Variants in NOL9 observed in about 807,000 individuals in gnomAD.
The protein encoded by NOL9 is polynucleotide 5'-hydroxyl-kinase NOL9.
In NOL9, 28 loss-of-function variants were observed where a neutral mutation model predicts 67.9. The ratio of observed to expected loss-of-function variants is 0.41; its 90% CI spans 0.31 to 0.57. NOL9 has a LOEUF of 0.57. NOL9 is among the 20% of genes least tolerant of loss of function. The probability of loss-of-function intolerance (pLI) is 0.25; values close to 1 mark genes in which losing one functional copy is unlikely to be tolerated. For synonymous variants in NOL9, 356 were observed against 352.2 expected, an observed-to-expected ratio of 1.01 and a Z score of -0.12; for missense variants, 777 against 897.0, an observed-to-expected ratio of 0.87 and a Z score of 1.71.
intron 9 of NOL9, among the ~76,000 whole-genome samples, chr1:6,531,583 T>G (rs1042816364): frequency 6.6e-6 from 1 of 152,108 alleles, no homozygotes; most frequent in African/African-American, 2.4e-5. Flanking sequence ...ATCCACACGT[T>G]CACTCTCTGA....
chr1:6,550,708 AG>A, intron 1 of NOL9, 93 bp from the exon 2 acceptor site: 1 of 883,256 alleles, frequency 1.1e-6, no homozygotes, highest in Non-Finnish European at 1.6e-6. Flanking sequence ...TTTGAGATGG[AG>A]TTTTGCTCTT....
chr1:6,533,271 C>T lies in NOL9; in HGVS notation c.1237+9G>A, dbSNP rs1188001429. On this transcript the variant is annotated intron_variant, in intron 7 of 11. Transcript: ENST00000377705. ...TCCTTCCCTTGCAGATGTGCACATG[C>T]AGGCTTACCTGAAACCCATCCCATA... 1.3e-6 allele frequency: 2 copies of T among 1,576,388 alleles called. No homozygotes were observed. Among genetic ancestry groups the T allele is most frequent in the African/African-American group, 2.7e-5 (2 of 73,942 alleles).
rs576579158 is a variant in NOL9 at position 6,525,501 on chromosome 1, G to A, written c.*353C>T. Reference sequence around the variant, plus strand: ...GGTCGGCCTTCTTCCTTCCTTCTCGGTACATTGTAATGGCCCCAGTTTCCT... The same window carrying A: ...GGTCGGCCTTCTTCCTTCCTTCTCGATACATTGTAATGGCCCCAGTTTCCT... On this transcript the variant is annotated 3_prime_UTR_variant, in exon 12 of 12. Coordinates refer to ENST00000377705, the MANE Select transcript of NOL9 (RefSeq NM_024654.5). 2.5e-5 allele frequency: 6 copies of A among 243,484 alleles called. No individual in the cohort carries two copies. The South Asian group carries it at 3.7e-4, about 15-fold the overall frequency. 15.1% of individuals were successfully genotyped at this position (243,484 alleles called of 1,614,324 possible). A position where few individuals can be genotyped will look rare whatever the true frequency, so the allele number is the denominator to read the frequency against.
intron 10 of NOL9, 100 bp downstream of exon 10, chr1:6,528,894 G>A: frequency 8.2e-7 from 1 of 1,217,692 alleles, no homozygotes; most frequent in Non-Finnish European, 1.2e-6. Flanking sequence ...TCTGACCTCT[G>A]TAGCTTAGAC....
At chr1:6,544,359 A>AAAAATAAAAAAT (rs56954381) in intron 5 of NOL9, among the ~76,000 whole-genome samples, 146,856 of 149,994 alleles carry the variant, frequency 0.98, 71,987 homozygotes, top group East Asian at 1. Context: ...TCATCTCTAC[A>AAAAATAAAAAAT]AAAATAAAAA....
chr1:6,552,080 A>G (rs1187489420), intron 1 of NOL9, among the ~76,000 whole-genome samples: 4 of 152,212 alleles, frequency 2.6e-5, no homozygotes, highest in African/African-American at 7.2e-5. Flanking sequence ...CTCACTTATC[A>G]GTGGGATTTG....
chr1:6,529,940 AAAATAAAT>A (rs1217378534), intron 9 of NOL9, among the ~76,000 whole-genome samples: 1 of 152,046 alleles, frequency 6.6e-6, no homozygotes, highest in Non-Finnish European at 1.5e-5. Flanking sequence ...ACAAAAATTA[AAAATAAAT>A]AAATAAATAA....
At chr1:6,549,128 G>T (rs572856633) in intron 3 of NOL9, 1 of 155,554 alleles carries the variant, frequency 6.4e-6, no homozygotes, top group African/African-American at 2.4e-5. Context: ...ATGGTGGCAG[G>T]CGCCTGTAAT....
rs372387805 is a variant in NOL9 at position 6,554,270 on chromosome 1, G to A, written c.233C>T (p.Pro78Leu). The change falls in exon 1 of 12, where the codon CCC becomes CTC. Residue 78 changes from proline to leucine, a missense_variant. Pro to Leu is a moderately conservative substitution (Grantham distance 98). Around this residue, in one of 2 missense-constraint regions of NOL9, gnomAD observed 364 missense variants for 344.4 expected, o/e 1.06. Transcript: ENST00000377705. Reference sequence around the variant, plus strand: ...GATCGGGCTGGGGGTCGCGGTGTTGGGTCTCCGGGCCGCCGCCGCGCGCGA... The same window carrying A: ...GATCGGGCTGGGGGTCGCGGTGTTGAGTCTCCGGGCCGCCGCCGCGCGCGA... Reference protein sequence around the residue: ...QVSRAAAARRPNTATPSPIPS... With the variant: ...QVSRAAAARRLNTATPSPIPS... 10 of 1,477,178 alleles carry A rather than the reference G, an allele frequency of 6.8e-6. No homozygotes were observed. The African/African-American group carries it at 1.5e-4, about 22-fold the overall frequency. The allele number at this position is 1,477,178 out of a possible 1,614,324, so 91.5% of individuals were successfully genotyped here.
At chr1:6,544,653 T>C (rs796923493) in intron 5 of NOL9, among the ~76,000 whole-genome samples, 173 bp downstream of exon 5, 66 of 147,410 alleles carry the variant, frequency 4.5e-4, no homozygotes, top group African/African-American at 1.6e-3. Context: ...CGCTAGAGCA[T>C]TGTCACATAC....
Position 6,531,982 on chromosome 1 carries a change from G to C in NOL9, c.1633C>G (p.Leu545Val). 1 of 1,613,316 alleles carries C rather than the reference G, an allele frequency of 6.2e-7. No individual in the cohort carries two copies. The highest frequency in any genetic ancestry group is 8.5e-7 in the Non-Finnish European group (1 of 1,179,212). ...GTTCAGATTACCTGATAGGGTGTCA[G>C]GCTATGTAAAGGAGAAAGTGGTTTG... is the stretch of plus-strand genomic sequence containing the variant. ...MPKPLSPLHS[L>V]TPYQVPFNAV... Residue 545 changes from leucine to valine, a missense_variant, in exon 9 of 12, where the codon CTG (leucine) becomes GTG (valine). This residue lies in a region of NOL9 where 413 missense variants were observed against 552.6 expected (regional missense o/e 0.75). Coordinates refer to ENST00000377705, the MANE Select transcript of NOL9 (RefSeq NM_024654.5).
chr1:6,538,015 A>G (rs1187834639), intron 6 of NOL9, among the ~76,000 whole-genome samples: 16 of 126,100 alleles, frequency 1.3e-4, no homozygotes, highest in African/African-American at 4.3e-4. Context: ...AAAAAAAAAA[A>G]GAGTAAAAAC....
chr1:6,549,989 C>T (rs6692747), intron 2 of NOL9, among the ~76,000 whole-genome samples: 23,327 of 152,048 alleles, frequency 0.15, 2,136 homozygotes, highest in African/African-American at 0.26. Flanking sequence ...ATATAGATAC[C>T]ACAACGTCCT....
At chr1:6,542,654 TCA>T (rs574950698) in intron 5 of NOL9, among the ~76,000 whole-genome samples, 4 of 151,012 alleles carry the variant, frequency 2.6e-5, no homozygotes, top group African/African-American at 7.3e-5. Flanking sequence ...AGACGGGGTT[TCA>T]CAGTGTTAGC....
At position 6,533,201 on chromosome 1, in the gene NOL9, G is replaced by A. The variant is rs1017978164; in HGVS notation, c.1237+79C>T. The A allele has an allele frequency of 3.6e-6, 5 of 1,400,596 alleles. No homozygotes were observed. The African/African-American group carries it at 4.4e-5, about 12-fold the overall frequency. The allele number at this position is 1,400,596 out of a possible 1,614,324, so 86.8% of individuals were successfully genotyped here. On this transcript the variant is annotated intron_variant, in intron 7 of 11. Transcript: ENST00000377705. ...ATTAAAAACAAAAAACAAAACACTG[G>A]GCTTTAACGTGAATGTCTGAAACCA... is the stretch of plus-strand genomic sequence containing the variant.
At chr1:6,528,732 C>CT (rs1208753419) in intron 10 of NOL9, among the ~76,000 whole-genome samples, 3 of 152,174 alleles carry the variant, frequency 2.0e-5, no homozygotes, top group African/African-American at 7.2e-5. Context: ...CTGAGACAGC[C>CT]TAGGGGAGAA....
At chr1:6,526,456 T>G (rs1638886351) in intron 11 of NOL9, among the ~76,000 whole-genome samples, 2 of 152,074 alleles carry the variant, frequency 1.3e-5, no homozygotes, top group South Asian at 2.1e-4. Context: ...TACTCCTATG[T>G]AAAGGCTCCA....
chr1:6,536,746 G>C (rs2148654968), intron 6 of NOL9, among the ~76,000 whole-genome samples: 1 of 152,258 alleles, frequency 6.6e-6, no homozygotes, highest in South Asian at 2.1e-4. Flanking sequence ...GAGCTCAGAA[G>C]GTGGAGGATG....
At chr1:6,529,829 G>A (rs1452674881) in intron 9 of NOL9, among the ~76,000 whole-genome samples, 2 of 151,788 alleles carry the variant, frequency 1.3e-5, no homozygotes, top group Non-Finnish European at 2.9e-5. Flanking sequence ...GGGAGGCTGA[G>A]GCACAAGACT....
Sources: allele counts gnomAD v4.1 joint callset (sites outside exome capture counted in the v4.1 genomes callset), GRCh38; gene constraint gnomAD v4.1.1; regional missense constraint gnomAD v4.1.1; transcripts MANE v1.5; gene names NCBI Gene and HGNC (gene_info 2026-07-23, HGNC 2026-07-21).